Variants in HOATZ observed in about 807,000 individuals in gnomAD.
The protein encoded by HOATZ is cilia- and flagella-associated protein HOATZ.
HOATZ carries 26 observed loss-of-function variants against 24.9 expected under a neutral mutation model. That is an observed-to-expected ratio of 1.04 (90% CI 0.76 to 1.45). HOATZ has a LOEUF of 1.45. Ranked by LOEUF, HOATZ falls within the 40% of genes most tolerant of loss-of-function variation. HOATZ has a pLI of 0.00. For synonymous variants in HOATZ, 83 were observed against 76.6 expected (o/e 1.08, Z -0.43); for missense variants, 226 against 201.5 (o/e 1.12, Z -0.74).
intron 3 of HOATZ, among the ~76,000 whole-genome samples, chr11:111,523,205 C>CTTTTTTTTTTTTTTT (rs747393521): frequency 1.1e-5 from 1 of 94,270 alleles, no homozygotes; most frequent in African/African-American, 3.9e-5. Context: ...TAAGTGTTCA[C>CTTTTTTTTTTTTTTT]TTTTTTTTTT....
chr11:111,525,231 A>G lies in HOATZ; in HGVS notation c.340-8515A>G, dbSNP rs1056089533. ...AGCAATTTGTTTTTTTAAAAAAGAA[A>G]AACCCTATAAGTTATTTAGGATAGG... On this transcript the variant is annotated intron_variant, in intron 3 of 5. Coordinates refer to ENST00000375618, the MANE Select transcript of HOATZ (RefSeq NM_001100388.2). Among the ~76,000 whole-genome samples, 19 of 152,322 alleles carry G rather than the reference A, an allele frequency of 1.2e-4. No individual in the cohort carries two copies. The South Asian group carries it at 3.9e-3, about 32-fold the overall frequency.
At chr11:111,522,275 T>C (rs1477137057) in intron 3 of HOATZ, among the ~76,000 whole-genome samples, 1 of 152,256 alleles carries the variant, frequency 6.6e-6, no homozygotes, top group Non-Finnish European at 1.5e-5. Flanking sequence ...TTTTCCTTTT[T>C]AAAATTAATG....
intron 3 of HOATZ, among the ~76,000 whole-genome samples, chr11:111,527,186 C>T (rs1036443714): frequency 2.6e-5 from 4 of 152,024 alleles, no homozygotes; most frequent in African/African-American, 4.8e-5. Flanking sequence ...GTTCTTCAGG[C>T]AATTATTATT....
chr11:111,521,287 C>G (rs1445387667), intron 3 of HOATZ, among the ~76,000 whole-genome samples: 1 of 152,110 alleles, frequency 6.6e-6, no homozygotes, highest in East Asian at 1.9e-4. Flanking sequence ...GACACTGAGT[C>G]ATGAAAGTGG....
At chr11:111,535,110 G>A (rs1462422285) in intron 5 of HOATZ, 1 of 152,080 alleles carries the variant, frequency 6.6e-6, no homozygotes, top group Non-Finnish European at 1.5e-5. Flanking sequence ...ACCACATTCT[G>A]GGAGAAACAG....
Position 111,536,729 on chromosome 11 carries a change from G to A in HOATZ, c.453-41G>A, listed in dbSNP as rs759523324. Reference sequence around the variant, plus strand: ...ATGCTACATCATGTTCACAATGGCGGAGTTCTGTGTATTGGAACTGACTGA... The same window carrying A: ...ATGCTACATCATGTTCACAATGGCGAAGTTCTGTGTATTGGAACTGACTGA... On this transcript the variant is annotated intron_variant, in intron 5 of 5. Transcript: ENST00000375618. The A allele has an allele frequency of 4.1e-6, 6 of 1,466,990 alleles. No individual in the cohort carries two copies. In the East Asian group the frequency reaches 6.8e-5, roughly 17 times the overall value. The allele number at this position is 1,466,990 out of a possible 1,614,324, so 90.9% of individuals were successfully genotyped here.
rs531003662 is a variant in HOATZ at position 111,521,708 on chromosome 11, G to C, written c.339+5598G>C. ...TGGAAGAGTCATAAAAACAGACTGT[G>C]CATTTATAGTAACAAGCAAATATTT... On this transcript the variant is annotated intron_variant, in intron 3 of 5. Transcript: ENST00000375618. 4.7e-4 allele frequency among the ~76,000 whole-genome samples: 71 copies of C among 152,266 alleles called. 1 individual carries two copies. Among genetic ancestry groups the C allele is most frequent in the African/African-American group, 1.6e-3 (66 of 41,566 alleles).
chr11:111,534,426 C>G lies in HOATZ; in HGVS notation c.414C>G (p.Ser138=), dbSNP rs1320888836. The G allele has an allele frequency of 1.9e-6, 3 of 1,610,650 alleles. No individual in the cohort carries two copies. The highest frequency in any genetic ancestry group is 2.5e-6 in the Non-Finnish European group (3 of 1,177,370). Residue 138 remains serine (S), a synonymous_variant, in exon 5 of 6, where the codon TCC becomes TCG. Coordinates refer to ENST00000375618, the MANE Select transcript of HOATZ (RefSeq NM_001100388.2). ...REERISKELI[S]LPYKPKAKEH... ...TTTTGTTTCAGAAAGAACTGATTTC[C>G]CTTCCGTATAAACCAAAAGCCAAAG...
At position 111,536,751 on chromosome 11, in the gene HOATZ, C is replaced by T. The variant is rs372341005; in HGVS notation, c.453-19C>T. ...GCGGAGTTCTGTGTATTGGAACTGACTGATATTACTACCAACAGGAAAGTG... is the reference window on the plus strand; with the variant it reads ...GCGGAGTTCTGTGTATTGGAACTGATTGATATTACTACCAACAGGAAAGTG... On this transcript the variant is annotated intron_variant, in intron 5 of 5. Coordinates refer to ENST00000375618, the MANE Select transcript of HOATZ (RefSeq NM_001100388.2). 1.2e-6 allele frequency: 2 copies of T among 1,602,344 alleles called. No individual in the cohort carries two copies. The highest frequency in any genetic ancestry group is 1.7e-6 in the Non-Finnish European group (2 of 1,169,572).
At chr11:111,525,023 C>T (rs1867320305) in intron 3 of HOATZ, 10 of 343,082 alleles carry the variant, frequency 2.9e-5, no homozygotes, top group South Asian at 2.3e-4. Context: ...TGCACACCAT[C>T]ACATCCAGCT....
At chr11:111,519,936 T>C (rs1867250997) in intron 3 of HOATZ, among the ~76,000 whole-genome samples, 1 of 152,238 alleles carries the variant, frequency 6.6e-6, no homozygotes, top group African/African-American at 2.4e-5. Context: ...TGCACTTGAA[T>C]ATTATTCTCC....
chr11:111,515,934 TC>T, intron 2 of HOATZ, 105 bp from the exon 3 acceptor site: 2 of 732,782 alleles, frequency 2.7e-6, no homozygotes. Flanking sequence ...TTGTTTACCT[TC>T]CTACTCTATG....
chr11:111,522,045 C>G (rs557354795), intron 3 of HOATZ, among the ~76,000 whole-genome samples: 2 of 152,238 alleles, frequency 1.3e-5, no homozygotes, highest in Admixed American at 6.5e-5. Flanking sequence ...ATAGACCCAG[C>G]CTCAGAGTTC....
chr11:111,528,826 A>G (rs185689876), intron 3 of HOATZ, among the ~76,000 whole-genome samples: 2 of 152,012 alleles, frequency 1.3e-5, no homozygotes, highest in African/African-American at 4.8e-5. Context: ...GTGTGTGTGC[A>G]TGTGTCTGAA....
At position 111,515,499 on chromosome 11, in the gene HOATZ, T is replaced by C. The variant is rs1274446163; in HGVS notation, c.227-12T>C. 6 of 1,611,678 alleles carry C rather than the reference T, an allele frequency of 3.7e-6. No homozygotes were observed. The East Asian group carries it at 1.1e-4, about 30-fold the overall frequency. On this transcript the variant is annotated splice_polypyrimidine_tract_variant and intron_variant, in intron 1 of 5. Coordinates refer to ENST00000375618, the MANE Select transcript of HOATZ (RefSeq NM_001100388.2). ...TCCAATGATTTCTTTACTTCCCTTT[T>C]GTATTTTTTAGAAAACAGCCACTCC...
intron 3 of HOATZ, among the ~76,000 whole-genome samples, chr11:111,531,544 T>C (rs1206892649): frequency 1.3e-5 from 2 of 152,206 alleles, no homozygotes; most frequent in African/African-American, 2.4e-5. Context: ...GAAACTAACA[T>C]TGAATACCTG....
intron 2 of HOATZ, among the ~76,000 whole-genome samples, 192 bp downstream of exon 2, chr11:111,515,744 T>C (rs1413642092): frequency 2.6e-5 from 4 of 152,246 alleles, no homozygotes; most frequent in Admixed American, 1.3e-4. Context: ...AACAGGAATG[T>C]AGAAATTGGA....
intron 2 of HOATZ, among the ~76,000 whole-genome samples, chr11:111,515,823 A>G (rs898514336): frequency 1.3e-5 from 2 of 152,178 alleles, no homozygotes; most frequent in African/African-American, 4.8e-5. Context: ...CTTACTCATC[A>G]TCTAAAGAGA....
chr11:111,529,158 C>T (rs1316572143), intron 3 of HOATZ, among the ~76,000 whole-genome samples: 1 of 151,744 alleles, frequency 6.6e-6, no homozygotes. Flanking sequence ...CCTTTTTTTT[C>T]CAAACCCATG....
Sources: gnomAD v4.1 joint callset for allele counts (sites outside exome capture counted in the v4.1 genomes callset) on GRCh38, gnomAD v4.1.1 for gene constraint, MANE v1.5 for transcripts, NCBI Gene and HGNC (gene_info 2026-07-23, HGNC 2026-07-21) for gene names.